Variants in MAP3K15 observed in about 807,000 individuals in gnomAD.
The protein encoded by MAP3K15 is MAPK/ERK kinase kinase 15.
In MAP3K15, 124 loss-of-function variants were observed where a neutral mutation model predicts 99.5. The ratio of observed to expected loss-of-function variants is 1.25; its 90% confidence interval spans 1.08 to 1.45. The LOEUF (loss-of-function observed/expected upper bound fraction) is 1.45, where lower values mean the gene tolerates loss of function less well. Ranked by LOEUF, MAP3K15 falls within the 40% of genes most tolerant of loss-of-function variation. The pLI is 0.00. For missense variants in MAP3K15, 1,242 were observed against 1,079.7 expected, an observed-to-expected ratio of 1.15 and a Z score of -2.11; for synonymous variants, 494 against 439.6, an observed-to-expected ratio of 1.12 and a Z score of -1.55.
rs1165492097 is a variant in MAP3K15, at chrX:19,507,575, CAAAAAAAAAAAAAAA to C, written c.361+7311_361+7325del. On this transcript the variant is annotated intron_variant, in intron 1 of 28. Coordinates refer to ENST00000338883, the MANE Select transcript of MAP3K15 (RefSeq NM_001001671.4). ...CCTGGGTGAGAGTGACACCTTGTCT[CAAAAAAAAAAAAAAA>C]AAAAAAAAAAAAAAAAAAAAGAACA... 1.0e-2 allele frequency among the ~76,000 whole-genome samples: 109 copies of C among 10,903 alleles called. 2 individuals carry two copies. The highest frequency in any genetic ancestry group is 0.014 in the African/African-American group (42 of 3,085). 9.5% of individuals were successfully genotyped at this position (10,903 alleles called of 115,157 possible).
chrX:19,367,723 A>ATTATTT (rs2063344628), intron 25 of MAP3K15, among the ~76,000 whole-genome samples: 1 of 24,107 alleles, frequency 4.1e-5, no homozygotes, highest in African/African-American at 1.3e-4. Flanking sequence ...ATAACTATGG[A>ATTATTT]TTTTTTTTTT....
intron 15 of MAP3K15, among the ~76,000 whole-genome samples, chrX:19,396,319 A>C (rs2063567519): frequency 8.9e-6 from 1 of 112,151 alleles, no homozygotes; most frequent in African/African-American, 3.2e-5. Context: ...TCTAGCTCTT[A>C]AAATCCCAGG....
At chrX:19,430,583 G>T (rs1490781498) in intron 7 of MAP3K15, among the ~76,000 whole-genome samples, 1 of 111,718 alleles carries the variant, frequency 9.0e-6, no homozygotes, top group Non-Finnish European at 1.9e-5. Context: ...TTGCATAACA[G>T]TGAGTACTCT....
At chrX:19,479,231 C>A (rs1024036037) in intron 3 of MAP3K15, among the ~76,000 whole-genome samples, 3 of 111,792 alleles carry the variant, frequency 2.7e-5, no homozygotes, top group Non-Finnish European at 5.6e-5. Context: ...CAGCCCCTTA[C>A]TGTTAGTCCC....
chrX:19,444,671 G>A (rs1037095123), intron 6 of MAP3K15, among the ~76,000 whole-genome samples: 1 of 111,631 alleles, frequency 9.0e-6, no homozygotes, highest in Non-Finnish European at 1.9e-5. Flanking sequence ...CAAACTACAA[G>A]AAACTAAAAT....
intron 13 of MAP3K15, among the ~76,000 whole-genome samples, chrX:19,404,887 A>C (rs2063636252): frequency 8.9e-6 from 1 of 112,205 alleles, no homozygotes; most frequent in East Asian, 2.8e-4. Context: ...CAAAAACCTA[A>C]ACATATAAAA....
chrX:19,360,440 C>T lies in MAP3K15; in HGVS notation c.*309G>A, dbSNP rs751130904. The T allele has an allele frequency of 2.2e-5, 5 of 226,341 alleles. No homozygotes were observed. Among genetic ancestry groups the T allele is most frequent in the Non-Finnish European group, 4.0e-5 (5 of 126,069 alleles). The allele number at this position is 226,341 out of a possible 1,213,427, so 18.7% of individuals were successfully genotyped here. A position where few individuals can be genotyped will look rare whatever the true frequency, so the allele number is the denominator to read the frequency against. ...TGATCATGGCTCACTGCAGCCTCCA[C>T]ACCTCCTGGGCTCAAGCAATCCTCC... is the stretch of plus-strand genomic sequence containing the variant. On this transcript the variant is annotated 3_prime_UTR_variant, in exon 29 of 29. Coordinates refer to ENST00000338883, the MANE Select transcript of MAP3K15 (RefSeq NM_001001671.4).
chrX:19,384,133 C>T (rs139696848), intron 18 of MAP3K15, among the ~76,000 whole-genome samples: 1,162 of 112,196 alleles, frequency 0.01, 7 homozygotes, highest in Middle Eastern at 0.033. Context: ...GGTACATATA[C>T]ACAATGGAGT....
In MAP3K15 at chrX:19,398,205, G is replaced by A. The variant is rs778202640; in HGVS notation, c.2066+21C>T. On this transcript the variant is annotated intron_variant, in intron 15 of 28. Transcript: ENST00000338883. ...GGTGTGGAGACGGCACCCGAAATGCGGAAGGCCCGCCTGGACTTGCCTGCT... is the reference window on the plus strand; with the variant it reads ...GGTGTGGAGACGGCACCCGAAATGCAGAAGGCCCGCCTGGACTTGCCTGCT... 19 of 1,208,431 alleles carry A rather than the reference G, an allele frequency of 1.6e-5. No individual in the cohort carries two copies. The South Asian group carries it at 2.8e-4, about 18-fold the overall frequency.
At chrX:19,510,353 C>T (rs2064509244) in intron 1 of MAP3K15, among the ~76,000 whole-genome samples, 1 of 112,095 alleles carries the variant, frequency 8.9e-6, no homozygotes. Context: ...CCACCATGAT[C>T]AAGTCGGCTT....
At chrX:19,404,249 A>C (rs1487313949) in intron 13 of MAP3K15, among the ~76,000 whole-genome samples, 2 of 112,100 alleles carry the variant, frequency 1.8e-5, no homozygotes, top group Admixed American at 9.5e-5. Flanking sequence ...AATTAAAAAA[A>C]CTCCAGTATC....
chrX:19,446,867 T>A lies in MAP3K15; in HGVS notation c.995+10046A>T, dbSNP rs909645154. Among the ~76,000 whole-genome samples, 205 of 111,095 alleles carry A rather than the reference T, an allele frequency of 1.8e-3. 1 individual carries two copies. Among genetic ancestry groups the A allele is most frequent in the African/African-American group, 6.0e-3 (184 of 30,683 alleles). ...CCTTCCCTTCCTTTTTTTAAAAAAA[T>A]TATTTATTTATATATTTTAAAAATT... On this transcript the variant is annotated intron_variant, in intron 6 of 28. Coordinates refer to ENST00000338883, the MANE Select transcript of MAP3K15 (RefSeq NM_001001671.4).
At chrX:19,413,516 A>T in intron 10 of MAP3K15, 52 bp from the exon 11 acceptor site, 1 of 967,620 alleles carries the variant, frequency 1.0e-6, no homozygotes, top group Non-Finnish European at 1.4e-6. Flanking sequence ...AACATAGCGC[A>T]CCCTGCCCAG....
In MAP3K15 at chrX:19,411,883, C is replaced by A. The variant is rs548378557; in HGVS notation, c.1698+1474G>T. ...AAATCATGCAGGACTTCTAGGCCACCCTCGGGATGTCAGCTTTGACTCTGC... is the reference window on the plus strand; with the variant it reads ...AAATCATGCAGGACTTCTAGGCCACACTCGGGATGTCAGCTTTGACTCTGC... On this transcript the variant is annotated intron_variant, in intron 11 of 28. Coordinates refer to ENST00000338883, the MANE Select transcript of MAP3K15 (RefSeq NM_001001671.4). Among the ~76,000 whole-genome samples the A allele has an allele frequency of 4.0e-4, 45 of 112,020 alleles. No individual in the cohort carries two copies. In the South Asian group the frequency reaches 0.016, roughly 41 times the overall value.
At chrX:19,482,551 G>A (rs2064298320) in intron 3 of MAP3K15, among the ~76,000 whole-genome samples, 1 of 112,001 alleles carries the variant, frequency 8.9e-6, no homozygotes, top group South Asian at 3.7e-4. Flanking sequence ...GAAAAGGCAA[G>A]TCTATAAGAC....
intron 6 of MAP3K15, among the ~76,000 whole-genome samples, chrX:19,440,967 A>C (rs1464063636): frequency 8.9e-6 from 1 of 111,979 alleles, no homozygotes; most frequent in African/African-American, 3.2e-5. Context: ...AGGCTCCTAC[A>C]ACCCTCTCTA....
intron 3 of MAP3K15, 81 bp from the exon 4 acceptor site, chrX:19,464,487 A>T: frequency 1.4e-6 from 1 of 709,304 alleles, no homozygotes; most frequent in Non-Finnish European, 2.0e-6. Flanking sequence ...CTGGTGGGAC[A>T]GGCATGGAGA....
chrX:19,494,365 T>C (rs1467619253), intron 1 of MAP3K15, among the ~76,000 whole-genome samples: 4 of 111,332 alleles, frequency 3.6e-5, no homozygotes, highest in African/African-American at 1.3e-4. Context: ...AAGGTTCCAG[T>C]TGAAATCTAT....
In MAP3K15 at chrX:19,461,970, G is replaced by A. The variant is rs111736959; in HGVS notation, c.720-1817C>T. Among the ~76,000 whole-genome samples the A allele has an allele frequency of 2.0e-3, 211 of 108,063 alleles. 1 individual carries two copies. Among genetic ancestry groups the A allele is most frequent in the African/African-American group, 6.3e-3 (186 of 29,305 alleles). The allele number at this position is 108,063 out of a possible 115,157, so 93.8% of individuals were successfully genotyped here. A position where few individuals can be genotyped will look rare whatever the true frequency, so the allele number is the denominator to read the frequency against. On this transcript the variant is annotated intron_variant, in intron 4 of 28. Coordinates refer to ENST00000338883, the MANE Select transcript of MAP3K15 (RefSeq NM_001001671.4). The stretch of plus-strand genomic sequence containing the variant: ...CGCACGACTGCACTCCAGCCTGGGC[G>A]ACAGAGTGAGACTTGGTCTAAAACA...
Sources: gnomAD v4.1 joint callset for allele counts (sites outside exome capture counted in the v4.1 genomes callset) on GRCh38, gnomAD v4.1.1 for gene constraint, MANE v1.5 for transcripts, NCBI Gene and HGNC (gene_info 2026-07-23, HGNC 2026-07-21) for gene names.